Variants in SIPA1L2 observed in about 807,000 individuals in gnomAD.
SIPA1L2 encodes signal induced proliferation associated 1 like 2.
In SIPA1L2, 56 loss-of-function variants were observed where a neutral mutation model predicts 163.9. The observed-to-expected ratio is 0.34, with a 90% CI of 0.28 to 0.43. The LOEUF (loss-of-function observed/expected upper bound fraction) is 0.43, where lower values mean the gene tolerates loss of function less well. Ranked by LOEUF, SIPA1L2 falls within the 20% of genes least tolerant of loss-of-function variation. The pLI is 1.00. For missense variants in SIPA1L2, 1,974 were observed against 2,193.5 expected, an observed-to-expected ratio of 0.90 and a Z score of 2.00; for synonymous variants, 877 against 865.7, an observed-to-expected ratio of 1.01 and a Z score of -0.23.
intron 12 of SIPA1L2, among the ~76,000 whole-genome samples, chr1:232,443,119 T>A (rs1293810247): frequency 6.6e-6 from 1 of 152,210 alleles, no homozygotes; most frequent in African/African-American, 2.4e-5. Flanking sequence ...ATTGGTCAAC[T>A]CAGTGTCTTT....
rs773244818 is a variant in SIPA1L2 at position 232,514,384 on chromosome 1, C to T, written c.956G>A (p.Gly319Asp). The T allele has an allele frequency of 2.5e-6, 4 of 1,613,864 alleles. No homozygotes were observed. The highest frequency in any genetic ancestry group is 4.5e-5 in the East Asian group (2 of 44,880). Residue 319 changes from glycine to aspartate, a missense_variant, in exon 3 of 23, where the codon GGC becomes GAC. Coordinates refer to ENST00000674635, the MANE Select transcript of SIPA1L2 (RefSeq NM_020808.5). Reference sequence around the variant, plus strand: ...TCGCTGACAATTCCAAGGGCGAATGCCCCTCTCCAGTCGGCTCTCCTCCAG... The same window carrying T: ...TCGCTGACAATTCCAAGGGCGAATGTCCCTCTCCAGTCGGCTCTCCTCCAG... ...SELEESRLER[G>D]IRPWNCQRCF...
At chr1:232,601,354 C>G (rs539137081) in intron 1 of SIPA1L2, among the ~76,000 whole-genome samples, 2 of 152,330 alleles carry the variant, frequency 1.3e-5, no homozygotes, top group East Asian at 3.9e-4. Flanking sequence ...CTCACCTTCC[C>G]TATGTAACTC....
At chr1:232,410,545 A>ATATATAT (rs1660888500) in intron 19 of SIPA1L2, among the ~76,000 whole-genome samples, 2 of 148,944 alleles carry the variant, frequency 1.3e-5, no homozygotes, top group East Asian at 4.0e-4. Flanking sequence ...TGAATTTCAA[A>ATATATAT]ATATATATAT....
At chr1:232,499,982 CT>C (rs34385314) in intron 3 of SIPA1L2, among the ~76,000 whole-genome samples, 38,422 of 148,166 alleles carry the variant, frequency 0.26, 5,112 homozygotes, top group Admixed American at 0.39. Context: ...GGTTTACTGA[CT>C]TTTTTTTTTT....
Position 232,432,443 on chromosome 1 carries a change from C to A in SIPA1L2, c.4060G>T (p.Ala1354Ser), listed in dbSNP as rs1201870220. ...GACCCACTACTTTTTGAACAGTGAGCTGAAGGGCTTCCTGAATGGTGAGAA... is the reference window on the plus strand; with the variant it reads ...GACCCACTACTTTTTGAACAGTGAGATGAAGGGCTTCCTGAATGGTGAGAA... The part of the protein sequence containing the change: ...SGSHHSGSPS[A>S]HCSKSSGSLD... The change falls in exon 16 of 23, where the codon GCT becomes TCT. Residue 1354 changes from alanine to serine, a missense_variant. Ala to Ser is a moderately conservative substitution (Grantham distance 99). This residue lies in a region of SIPA1L2 where 1,079 missense variants were observed against 1,150.7 expected (regional missense o/e 0.94). Transcript: ENST00000674635. 4 of 1,614,246 alleles carry A rather than the reference C, an allele frequency of 2.5e-6. No homozygotes were observed. In the South Asian group the frequency reaches 4.4e-5, roughly 18 times the overall value.
chr1:232,503,403 G>A (rs140510687), intron 3 of SIPA1L2, among the ~76,000 whole-genome samples: 3 of 152,188 alleles, frequency 2.0e-5, no homozygotes, highest in East Asian at 1.9e-4. Context: ...TTCTAGATAC[G>A]GTGATATCTT....
intron 3 of SIPA1L2, among the ~76,000 whole-genome samples, chr1:232,513,129 C>T (rs181678813): frequency 6.6e-6 from 1 of 152,316 alleles, no homozygotes; most frequent in Admixed American, 6.5e-5. Context: ...GAACCTGTTT[C>T]TCTGTAGGTC....
At position 232,549,319 on chromosome 1, in the gene SIPA1L2, T is replaced by C. The variant is rs541416097; in HGVS notation, c.-270+24855A>G. On this transcript the variant is annotated intron_variant, in intron 2 of 22. Coordinates refer to ENST00000674635, the MANE Select transcript of SIPA1L2 (RefSeq NM_020808.5). The stretch of plus-strand genomic sequence containing the variant: ...TCCTCTTAGGACTCGACAGCAGATG[T>C]TCCTAGCCTTACACTATCATCCTTT... Among the ~76,000 whole-genome samples the C allele has an allele frequency of 9.8e-5, 15 of 152,338 alleles. No homozygotes were observed. In the South Asian group the frequency reaches 3.1e-3, roughly 32 times the overall value.
chr1:232,606,048 C>G (rs1661902927), intron 1 of SIPA1L2, among the ~76,000 whole-genome samples: 1 of 152,174 alleles, frequency 6.6e-6, no homozygotes, highest in African/African-American at 2.4e-5. Context: ...ATATTATAGG[C>G]ATCTTTTGTA....
At chr1:232,401,273 A>C (rs952979069) in intron 22 of SIPA1L2, among the ~76,000 whole-genome samples, 3 of 152,200 alleles carry the variant, frequency 2.0e-5, no homozygotes, top group Non-Finnish European at 2.9e-5. Flanking sequence ...CATCCTAGAA[A>C]ACTTCTCCAT....
At chr1:232,403,332 G>A in intron 21 of SIPA1L2, 116 bp downstream of exon 21, 2 of 1,333,780 alleles carry the variant, frequency 1.5e-6, no homozygotes, top group South Asian at 1.4e-5. Flanking sequence ...TTCAGGACTG[G>A]GAAAGGGCAT....
intron 1 of SIPA1L2, among the ~76,000 whole-genome samples, chr1:232,586,324 T>C (rs888045839): frequency 6.6e-6 from 1 of 152,180 alleles, no homozygotes; most frequent in Admixed American, 6.5e-5. Flanking sequence ...GAAGCAGGTG[T>C]CCACTACAAT....
At chr1:232,555,404 G>A (rs1390487316) in intron 2 of SIPA1L2, among the ~76,000 whole-genome samples, 1 of 152,194 alleles carries the variant, frequency 6.6e-6, no homozygotes, top group Non-Finnish European at 1.5e-5. Context: ...TCCAGCTGGA[G>A]TGAGGAGTCA....
intron 3 of SIPA1L2, among the ~76,000 whole-genome samples, chr1:232,495,642 C>T (rs1269496917): frequency 1.3e-5 from 2 of 151,894 alleles, no homozygotes; most frequent in African/African-American, 4.8e-5. Flanking sequence ...GGAAACTAGC[C>T]TATTTGTTTT....
At chr1:232,509,762 GCAGATGCCATTGTAA>G (rs1300216446) in intron 3 of SIPA1L2, among the ~76,000 whole-genome samples, 1 of 152,234 alleles carries the variant, frequency 6.6e-6, no homozygotes. Flanking sequence ...AAGAGCAGGA[GCAGATGCCATTGTAA>G]CCAATTTCAC....
chr1:232,466,188 C>T (rs1369716492), intron 8 of SIPA1L2, among the ~76,000 whole-genome samples: 6 of 152,066 alleles, frequency 3.9e-5, no homozygotes, highest in East Asian at 1.9e-4. Flanking sequence ...GTTTAGCCCA[C>T]GTTAGCTGCA....
intron 11 of SIPA1L2, 80 bp downstream of exon 11, chr1:232,445,448 AG>A (rs1489408968): frequency 2.3e-5 from 37 of 1,586,958 alleles, no homozygotes; most frequent in Non-Finnish European, 3.1e-5. Flanking sequence ...GAAGTGATTA[AG>A]CAAAACCCTC....
At position 232,398,912 on chromosome 1, in the gene SIPA1L2, G is replaced by GTTA. The variant is rs989313660; in HGVS notation, c.*212_*214dup. 4.0e-5 allele frequency: 23 copies of GTTA among 573,920 alleles called. No homozygotes were observed. Among genetic ancestry groups the GTTA allele is most frequent in the African/African-American group, 3.9e-4 (21 of 53,270 alleles). The allele number at this position is 573,920 out of a possible 1,614,324, so 35.6% of individuals were successfully genotyped here. On this transcript the variant is annotated 3_prime_UTR_variant, in exon 23 of 23. Transcript: ENST00000674635. ...GTTTACATTCATCTTCACACCAGGA[G>GTTA]TTACATTCATTCATCTTCACATCGG...
intron 7 of SIPA1L2, among the ~76,000 whole-genome samples, chr1:232,475,269 T>C (rs907235867): frequency 6.6e-6 from 1 of 152,176 alleles, no homozygotes; most frequent in Non-Finnish European, 1.5e-5. Context: ...ACAGAACAAC[T>C]GGTTCCCACC....
Sources: allele counts gnomAD v4.1 joint callset (sites outside exome capture counted in the v4.1 genomes callset), GRCh38; gene constraint gnomAD v4.1.1; regional missense constraint gnomAD v4.1.1; transcripts MANE v1.5; gene names NCBI Gene and HGNC (gene_info 2026-07-23, HGNC 2026-07-21).